Variants in B4GALT1 observed in about 807,000 individuals in gnomAD.
B4GALT1 encodes N-acetyllactosamine synthase.
A neutral mutation model predicts 34.9 loss-of-function variants in B4GALT1; 16 were observed. That is an observed-to-expected ratio of 0.46 (90% CI 0.31 to 0.70). The LOEUF (loss-of-function observed/expected upper bound fraction) is 0.70, where lower values mean the gene tolerates loss of function less well. B4GALT1 is among the 30% of genes least tolerant of loss of function. B4GALT1 has a pLI of 0.05. For synonymous variants in B4GALT1, 221 were observed against 218.1 expected, an observed-to-expected ratio of 1.01 and a Z score of -0.12; for missense variants, 445 against 530.5, an observed-to-expected ratio of 0.84 and a Z score of 1.58.
Position 33,152,453 on chromosome 9 carries a change from A to G in B4GALT1, c.412+14305T>C, listed in dbSNP as rs141824819. Among the ~76,000 whole-genome samples, 12 of 152,178 alleles carry G rather than the reference A, an allele frequency of 7.9e-5. No homozygotes were observed. The East Asian group carries it at 2.3e-3, about 29-fold the overall frequency. ...ATTTACAAATGATATGTAATAAACAAGAAAAATCCACAATATAAAAAGCTC... is the reference window on the plus strand; with the variant it reads ...ATTTACAAATGATATGTAATAAACAGGAAAAATCCACAATATAAAAAGCTC... On this transcript the variant is annotated intron_variant, in intron 1 of 5. Coordinates refer to ENST00000379731, the MANE Select transcript of B4GALT1 (RefSeq NM_001497.4).
At chr9:33,119,959 G>A (rs1785887886) in intron 3 of B4GALT1, among the ~76,000 whole-genome samples, 1 of 152,136 alleles carries the variant, frequency 6.6e-6, no homozygotes, top group East Asian at 1.9e-4. Flanking sequence ...CAAGGCAGAT[G>A]GATTGCTTGA....
chr9:33,166,703 C>A (rs1840760804), intron 1 of B4GALT1, 55 bp downstream of exon 1: 1 of 1,462,542 alleles, frequency 6.8e-7, no homozygotes, highest in Non-Finnish European at 9.0e-7. Flanking sequence ...GGGACCCTGT[C>A]GGGGAAATCC....
At chr9:33,107,848 T>G (rs964994261), downstream of B4GALT1, among the ~76,000 whole-genome samples, 2 of 151,686 alleles carry the variant, frequency 1.3e-5, no homozygotes, top group African/African-American at 4.8e-5. Flanking sequence ...TTCACTCAGG[T>G]GGGGAGTGGA....
chr9:33,180,879 G>A, the B4GALT1 span, among the ~76,000 whole-genome samples: 1 of 152,116 alleles, frequency 6.6e-6, no homozygotes, highest in Non-Finnish European at 1.5e-5. Context: ...AAGTATAATG[G>A]CAAAGGTTCA....
chr9:33,146,444 T>C (rs528418085), intron 1 of B4GALT1, among the ~76,000 whole-genome samples: 8 of 152,302 alleles, frequency 5.3e-5, no homozygotes, highest in African/African-American at 1.9e-4. Context: ...TTTAAGACTT[T>C]CACCTCCAGG....
chr9:33,140,024 C>T lies in B4GALT1; in HGVS notation c.413-4600G>A, dbSNP rs914513172. 2.0e-5 allele frequency among the ~76,000 whole-genome samples: 3 copies of T among 152,368 alleles called. No individual in the cohort carries two copies. In the East Asian group the frequency reaches 5.8e-4, roughly 29 times the overall value. On this transcript the variant is annotated intron_variant, in intron 1 of 5. Transcript: ENST00000379731. Reference sequence around the variant, plus strand: ...CCAGGTCATGGCCTTGCATGTAAGTCGCTCAATAACTTCAATGTGTGAGCT... The same window carrying T: ...CCAGGTCATGGCCTTGCATGTAAGTTGCTCAATAACTTCAATGTGTGAGCT...
At chr9:33,115,472 C>A (rs961864568) in intron 4 of B4GALT1, among the ~76,000 whole-genome samples, 3 of 152,160 alleles carry the variant, frequency 2.0e-5, no homozygotes, top group African/African-American at 7.2e-5. Flanking sequence ...TTAAAAAGAG[C>A]CCCAGGATGT....
At chr9:33,104,570 T>C (rs1437373519) in exon 3 of B4GALT1, 1 of 345,562 alleles carries the variant, frequency 2.9e-6, no homozygotes, top group Non-Finnish European at 5.7e-6. Context: ...GAAAAGCCAG[T>C]CACTGGGGTC....
At chr9:33,117,949 G>A (rs556356924) in intron 3 of B4GALT1, among the ~76,000 whole-genome samples, 1 of 152,328 alleles carries the variant, frequency 6.6e-6, no homozygotes, top group East Asian at 1.9e-4. Flanking sequence ...TGGTTTTGCT[G>A]TCTCTGCTGC....
intron 1 of B4GALT1, among the ~76,000 whole-genome samples, chr9:33,163,732 A>G (rs377272430): frequency 8.5e-5 from 13 of 152,226 alleles, no homozygotes; most frequent in East Asian, 3.8e-4. Context: ...GTGGCCAGAA[A>G]AGAGGGCCTC....
At chr9:33,152,652 G>C (rs1335626999) in intron 1 of B4GALT1, among the ~76,000 whole-genome samples, 1 of 151,940 alleles carries the variant, frequency 6.6e-6, no homozygotes, top group Non-Finnish European at 1.5e-5. Context: ...CGAGGCAGGT[G>C]AATCACTTGA....
chr9:33,142,713 C>T (rs568166412), intron 1 of B4GALT1, among the ~76,000 whole-genome samples: 2 of 152,210 alleles, frequency 1.3e-5, no homozygotes, highest in South Asian at 2.1e-4. Context: ...GCAATCCTCT[C>T]GCCTCAGCCT....
chr9:33,166,713 C>CG lies in B4GALT1; in HGVS notation c.412+44dup, dbSNP rs111399879. 0.021 allele frequency: 30,745 copies of CG among 1,474,572 alleles called. 443 individuals carry two copies. The highest frequency in any genetic ancestry group is 0.062 in the East Asian group (2,600 of 42,030). The allele number at this position is 1,474,572 out of a possible 1,614,324, so 91.3% of individuals were successfully genotyped here. On this transcript the variant is annotated intron_variant, in intron 1 of 5. Transcript: ENST00000379731. ...TCTGGGGGACCCTGTCGGGGAAATC[C>CG]GGGGGGGTCCCAATCCTCCGACTGG... is the stretch of plus-strand genomic sequence containing the variant.
chr9:33,134,800 T>A (rs1048217673), intron 2 of B4GALT1, among the ~76,000 whole-genome samples: 1 of 152,212 alleles, frequency 6.6e-6, no homozygotes, highest in Admixed American at 6.5e-5. Flanking sequence ...AACTTTGAAG[T>A]TACCTAAAAG....
At chr9:33,119,138 A>G (rs1045898457) in intron 3 of B4GALT1, among the ~76,000 whole-genome samples, 2 of 152,208 alleles carry the variant, frequency 1.3e-5, no homozygotes, top group Non-Finnish European at 2.9e-5. Flanking sequence ...CTGCGATTAC[A>G]GGCACGAGCC....
chr9:33,160,905 T>A (rs769113680), intron 1 of B4GALT1, among the ~76,000 whole-genome samples: 1 of 152,224 alleles, frequency 6.6e-6, no homozygotes, highest in Non-Finnish European at 1.5e-5. Flanking sequence ...TTATTTTCAA[T>A]GAGCCTGCAT....
In B4GALT1 at chr9:33,166,766, G is replaced by A. The variant is rs751236905; in HGVS notation, c.404C>T (p.Pro135Leu). ...LSLPACPEES[P>L]LLVGPMLIEF... ...CCGACCCGAGTCCTTACCAAGCAGC[G>A]GGGACTCCTCAGGGCAGGCGGGCAG... The change falls in exon 1 of 6, where the codon CCG (proline) becomes CTG (leucine). Residue 135 changes from proline (P) to leucine (L), a missense_variant. By Grantham distance (98) the Pro-to-Leu change is moderately conservative. Coordinates refer to ENST00000379731, the MANE Select transcript of B4GALT1 (RefSeq NM_001497.4). 2 of 1,508,502 alleles carry A rather than the reference G, an allele frequency of 1.3e-6. No homozygotes were observed. The highest frequency in any genetic ancestry group is 1.4e-5 in the African/African-American group (1 of 70,984). 93.4% of individuals were successfully genotyped at this position (1,508,502 alleles called of 1,614,324 possible). A position where few individuals can be genotyped will look rare whatever the true frequency, so the allele number is the denominator to read the frequency against.
At chr9:33,146,559 C>A (rs1840428699) in intron 1 of B4GALT1, among the ~76,000 whole-genome samples, 1 of 152,212 alleles carries the variant, frequency 6.6e-6, no homozygotes, top group Non-Finnish European at 1.5e-5. Context: ...ACTACTCCCT[C>A]CAGGGTCCCA....
At chr9:33,166,436 A>G (rs1840754746) in intron 1 of B4GALT1, among the ~76,000 whole-genome samples, 1 of 152,172 alleles carries the variant, frequency 6.6e-6, no homozygotes, top group African/African-American at 2.4e-5. Context: ...AGCCCTAAGC[A>G]GACCCAAACT....
Sources: gnomAD v4.1 joint callset for allele counts (sites outside exome capture counted in the v4.1 genomes callset) on GRCh38, gnomAD v4.1.1 for gene constraint, MANE v1.5 for transcripts, NCBI Gene and HGNC (gene_info 2026-07-23, HGNC 2026-07-21) for gene names.